BCL2L13: variants seen among roughly 807,000 people sequenced by gnomAD.
BCL2L13 encodes BCL2 like 13.
Under a neutral mutation model 25.8 loss-of-function variants are expected in BCL2L13, and 13 were observed. The observed-to-expected ratio is 0.50, with a 90% CI of 0.33 to 0.80. The LOEUF (loss-of-function observed/expected upper bound fraction) is 0.80, where lower values mean the gene tolerates loss of function less well. Among genes scored for constraint, BCL2L13 ranks in the 30% least tolerant of loss-of-function variants. The pLI is 0.02. For missense variants in BCL2L13, 504 were observed against 574.9 expected (o/e 0.88, Z 1.26); for synonymous variants, 244 against 230.3 (o/e 1.06, Z -0.54).
intron 6 of BCL2L13, among the ~76,000 whole-genome samples, chr22:17,717,220 C>A (rs2060970210): frequency 6.6e-6 from 1 of 152,170 alleles, no homozygotes; most frequent in African/African-American, 2.4e-5. Flanking sequence ...ATAATCCCAG[C>A]TCTTTGGGAG....
chr22:17,701,944 A>G (rs1424040580), intron 5 of BCL2L13, among the ~76,000 whole-genome samples: 1 of 151,364 alleles, frequency 6.6e-6, no homozygotes, highest in East Asian at 1.9e-4. Context: ...GGAAAAAGAA[A>G]TTAATTAATT....
At chr22:17,682,857 G>A (rs878855364) in intron 2 of BCL2L13, among the ~76,000 whole-genome samples, 1 of 152,144 alleles carries the variant, frequency 6.6e-6, no homozygotes, top group Admixed American at 6.5e-5. Context: ...TGTAGGGCTG[G>A]GTGCAGTGGC....
chr22:17,638,918 C>T, intron 1 of BCL2L13, 32 bp downstream of exon 1: 1 of 1,230,142 alleles, frequency 8.1e-7, no homozygotes, highest in Non-Finnish European at 1.0e-6. Context: ...GAAGGCTGAG[C>T]TGGGTGAGGA....
intron 4 of BCL2L13, among the ~76,000 whole-genome samples, chr22:17,694,585 C>T (rs935881576): frequency 6.6e-6 from 1 of 151,946 alleles, no homozygotes; most frequent in African/African-American, 2.4e-5. Context: ...AACATGTATT[C>T]AGTACAAAAA....
rs553549789 is a variant in BCL2L13, at chr22:17,648,452, A to G, written c.-50-7210A>G. Among the ~76,000 whole-genome samples, 10 of 152,126 alleles carry G rather than the reference A, an allele frequency of 6.6e-5. No homozygotes were observed. The South Asian group carries it at 2.1e-3, about 31-fold the overall frequency. The stretch of plus-strand genomic sequence containing the variant: ...GTGGCTCACGCTTGTAATCCCAGCA[A>G]TTTGGGACGCCAAGGTTGGAGGATC... On this transcript the variant is annotated intron_variant, in intron 1 of 6. Transcript: ENST00000317582.
chr22:17,710,067 TAAAAAAAAAAAAA>T (rs71201876), intron 6 of BCL2L13, among the ~76,000 whole-genome samples: 14 of 91,798 alleles, frequency 1.5e-4, no homozygotes, highest in Non-Finnish European at 1.7e-4. Flanking sequence ...GACCTTGTCT[TAAAAAAAAAAAAA>T]AAAAAAAAAA....
At position 17,633,367 on chromosome 22, in the gene BCL2L13, T is replaced by C. The variant is rs188120424; in HGVS notation, c.-650+4362T>C. ...AACCTCTGAAGGGAAAAAGTTGTTATGAATACATGCAAAGATGAGCCAGTT... is the reference window on the plus strand; with the variant it reads ...AACCTCTGAAGGGAAAAAGTTGTTACGAATACATGCAAAGATGAGCCAGTT... On this transcript the variant is annotated intron_variant, in intron 1 of 6. Coordinates refer to the BCL2L13 transcript ENST00000399782. 1.3e-3 allele frequency among the ~76,000 whole-genome samples: 198 copies of C among 152,336 alleles called. 1 individual carries two copies. In the East Asian group the frequency reaches 0.016, roughly 12 times the overall value.
At chr22:17,716,416 A>T (rs1469075263) in intron 6 of BCL2L13, among the ~76,000 whole-genome samples, 1 of 152,204 alleles carries the variant, frequency 6.6e-6, no homozygotes, top group African/African-American at 2.4e-5. Flanking sequence ...GTGAATAAGG[A>T]GACAGCGCTT....
At chr22:17,673,811 T>C (rs772133722) in intron 2 of BCL2L13, among the ~76,000 whole-genome samples, 73 of 152,220 alleles carry the variant, frequency 4.8e-4, no homozygotes, top group Non-Finnish European at 7.6e-4. Flanking sequence ...TTTGAATTTA[T>C]TTATAATTCT....
intron 2 of BCL2L13, among the ~76,000 whole-genome samples, chr22:17,669,030 C>CTTT (rs537315017): frequency 0.055 from 6,097 of 111,706 alleles, 437 homozygotes; most frequent in African/African-American, 0.089. Context: ...CTGTTTCTTT[C>CTTT]TTTTTTTTTT....
At chr22:17,722,164 C>T (rs977409349) in intron 6 of BCL2L13, among the ~76,000 whole-genome samples, 1 of 152,054 alleles carries the variant, frequency 6.6e-6, no homozygotes, top group Non-Finnish European at 1.5e-5. Flanking sequence ...GTTATCTTTG[C>T]CACAAATCAT....
chr22:17,639,236 G>C (rs546384151), intron 1 of BCL2L13, among the ~76,000 whole-genome samples: 1 of 149,584 alleles, frequency 6.7e-6, no homozygotes, highest in African/African-American at 2.4e-5. Flanking sequence ...CTAAACTGGG[G>C]AACGGCGACT....
upstream of BCL2L13, among the ~76,000 whole-genome samples, chr22:17,635,928 C>T (rs1239576990): frequency 6.8e-6 from 1 of 148,134 alleles, no homozygotes; most frequent in Non-Finnish European, 1.5e-5. Context: ...CCAGGATGGT[C>T]TCCATCTCCT....
At chr22:17,677,163 A>G (rs2059597908) in intron 2 of BCL2L13, among the ~76,000 whole-genome samples, 1 of 143,942 alleles carries the variant, frequency 6.9e-6, no homozygotes, top group African/African-American at 2.5e-5. Flanking sequence ...TCAAAAAATA[A>G]AAAAATAAAA....
chr22:17,645,225 ATTTTTT>A (rs60836823), intron 1 of BCL2L13, among the ~76,000 whole-genome samples: 2 of 97,640 alleles, frequency 2.0e-5, no homozygotes, highest in African/African-American at 4.3e-5. Flanking sequence ...TAATAGTAGG[ATTTTTT>A]TTTTTTTTTT....
intron 6 of BCL2L13, among the ~76,000 whole-genome samples, chr22:17,722,400 T>TGC (rs2145827283): frequency 6.6e-6 from 1 of 151,688 alleles, no homozygotes; most frequent in Non-Finnish European, 1.5e-5. Context: ...TGTGTGTGTG[T>TGC]GTGTGTGTGT....
chr22:17,630,591 C>CTTTTTT (rs568905142), intron 1 of BCL2L13, among the ~76,000 whole-genome samples: 5 of 120,558 alleles, frequency 4.1e-5, no homozygotes, highest in Non-Finnish European at 5.2e-5. Flanking sequence ...TTTTTCTTTT[C>CTTTTTT]TTTTTTTTTT....
At chr22:17,708,598 G>T (rs898708828) in intron 6 of BCL2L13, among the ~76,000 whole-genome samples, 6 of 152,236 alleles carry the variant, frequency 3.9e-5, no homozygotes, top group African/African-American at 1.4e-4. Context: ...GGGACCTTGG[G>T]CAAGTTACTC....
At chr22:17,632,046 T>TA (rs1194725138) in intron 1 of BCL2L13, among the ~76,000 whole-genome samples, 8 of 152,106 alleles carry the variant, frequency 5.3e-5, no homozygotes, top group Non-Finnish European at 1.2e-4. Flanking sequence ...AGGCTGTTAA[T>TA]ACATGCTGCC....
Sources: gnomAD v4.1 joint callset for allele counts (sites outside exome capture counted in the v4.1 genomes callset) on GRCh38, gnomAD v4.1.1 for gene constraint, MANE v1.5 for transcripts, NCBI Gene and HGNC (gene_info 2026-07-23, HGNC 2026-07-21) for gene names.